IMMP2L: variants seen among roughly 807,000 people sequenced by gnomAD.
IMMP2L encodes inner mitochondrial membrane peptidase subunit 2.
In IMMP2L, 18 loss-of-function variants were observed where a neutral mutation model predicts 19.3. The observed-to-expected ratio is 0.93, with a 90% confidence interval of 0.64 to 1.38. IMMP2L has a LOEUF of 1.38. Among genes scored for constraint, IMMP2L ranks in the 40% most tolerant of loss-of-function variants. The pLI is 0.00. For missense variants in IMMP2L, 233 were observed against 218.2 expected (o/e 1.07, Z -0.43); for synonymous variants, 76 against 73.0 (o/e 1.04, Z -0.21).
intron 3 of IMMP2L, among the ~76,000 whole-genome samples, chr7:111,056,110 C>G (rs1793487245): frequency 1.3e-5 from 2 of 152,162 alleles, no homozygotes; most frequent in African/African-American, 2.4e-5. Context: ...TTTATTTAAA[C>G]AACTAATATA....
intron 5 of IMMP2L, among the ~76,000 whole-genome samples, chr7:110,880,994 C>G (rs920065339): frequency 2.0e-5 from 3 of 152,108 alleles, no homozygotes; most frequent in African/African-American, 7.2e-5. Context: ...ACTGCCTCTT[C>G]TCTTGGGGAG....
chr7:111,481,799 A>G (rs147320593), intron 3 of IMMP2L, among the ~76,000 whole-genome samples: 42 of 152,340 alleles, frequency 2.8e-4, no homozygotes, highest in Non-Finnish European at 4.6e-4. Flanking sequence ...CCAGGGATAC[A>G]GCAGTGTACA....
At chr7:111,229,882 A>G (rs1362057543) in intron 3 of IMMP2L, among the ~76,000 whole-genome samples, 1 of 152,040 alleles carries the variant, frequency 6.6e-6, no homozygotes, top group Non-Finnish European at 1.5e-5. Context: ...AAAAAGCCCA[A>G]GTGTAAAGAA....
chr7:111,004,516 T>C (rs2129561855), intron 3 of IMMP2L, among the ~76,000 whole-genome samples: 1 of 152,240 alleles, frequency 6.6e-6, no homozygotes. Context: ...GAGTAATAAC[T>C]GGATAAATGT....
chr7:111,243,444 T>C (rs890980543), intron 3 of IMMP2L, among the ~76,000 whole-genome samples: 1 of 152,010 alleles, frequency 6.6e-6, no homozygotes, highest in Admixed American at 6.6e-5. Context: ...CTTCATGTTT[T>C]ACATATATAA....
chr7:111,046,699 C>A (rs2014938), intron 3 of IMMP2L, among the ~76,000 whole-genome samples: 116,398 of 152,156 alleles, frequency 0.76, 47,479 homozygotes, highest in Non-Finnish European at 0.9. Context: ...CATTCAAGGT[C>A]TATTTTATCT....
intron 4 of IMMP2L, among the ~76,000 whole-genome samples, chr7:110,904,833 C>G (rs1404585349): frequency 6.6e-6 from 1 of 152,202 alleles, no homozygotes; most frequent in African/African-American, 2.4e-5. Flanking sequence ...TGTTTTACTT[C>G]TTAAGCACCG....
chr7:110,879,550 A>G (rs1809436854), intron 5 of IMMP2L, among the ~76,000 whole-genome samples: 1 of 152,114 alleles, frequency 6.6e-6, no homozygotes. Flanking sequence ...CATCTTTTCC[A>G]GAGGTAACCA....
chr7:110,928,351 GCACACACACACACACACACA>G (rs58639346), intron 4 of IMMP2L, among the ~76,000 whole-genome samples: 89 of 117,110 alleles, frequency 7.6e-4, no homozygotes, highest in Middle Eastern at 4.8e-3. Context: ...ATATGTACCT[GCACACACACACACACACACA>G]CACACACACA....
rs146004195 is a variant in IMMP2L, at chr7:111,433,021, T to C, written c.239+54217A>G. Among the ~76,000 whole-genome samples, 330 of 151,330 alleles carry C rather than the reference T, an allele frequency of 2.2e-3. 10 individuals carry two copies. Among genetic ancestry groups the C allele is most frequent in the African/African-American group, 7.6e-3 (311 of 41,054 alleles). On this transcript the variant is annotated intron_variant, in intron 3 of 5. Coordinates refer to ENST00000405709, the MANE Select transcript of IMMP2L (RefSeq NM_032549.4). ...AACAAAGAAGGTGAACTATCTGTTG[T>C]ATTAGTCAATTCTCATGCTGCTATG...
intron 5 of IMMP2L, among the ~76,000 whole-genome samples, chr7:110,820,843 A>C (rs1202617980): frequency 6.6e-6 from 1 of 152,060 alleles, no homozygotes; most frequent in Non-Finnish European, 1.5e-5. Flanking sequence ...CTAGATATTT[A>C]TGCGTCCTTG....
intron 3 of IMMP2L, among the ~76,000 whole-genome samples, chr7:110,979,284 T>C (rs1162850452): frequency 2.0e-5 from 3 of 152,126 alleles, no homozygotes; most frequent in Non-Finnish European, 2.9e-5. Context: ...GTACTTTTAT[T>C]TTCTTACTAT....
intron 5 of IMMP2L, among the ~76,000 whole-genome samples, chr7:110,804,955 A>C (rs1013939): frequency 0.89 from 135,437 of 152,084 alleles, 60,466 homozygotes; most frequent in East Asian, 0.98. Context: ...ACATTTATAG[A>C]CAGCTAGGTT....
chr7:110,970,094 CTTA>C (rs1819978214), intron 3 of IMMP2L, among the ~76,000 whole-genome samples: 1 of 151,946 alleles, frequency 6.6e-6, no homozygotes, highest in South Asian at 2.1e-4. Context: ...GACAACTGGT[CTTA>C]TTAGTGAATC....
intron 5 of IMMP2L, among the ~76,000 whole-genome samples, chr7:110,687,352 A>G (rs1793187194): frequency 6.6e-6 from 1 of 152,064 alleles, no homozygotes. Flanking sequence ...TATATGTGCT[A>G]TCTTCTGAGA....
At chr7:111,412,680 A>G (rs1033549736) in intron 3 of IMMP2L, among the ~76,000 whole-genome samples, 1 of 151,894 alleles carries the variant, frequency 6.6e-6, no homozygotes, top group African/African-American at 2.4e-5. Context: ...TCACATAGGG[A>G]GTTTTTAAAA....
chr7:110,745,657 C>T (rs1052305629), intron 5 of IMMP2L, among the ~76,000 whole-genome samples: 9 of 152,148 alleles, frequency 5.9e-5, no homozygotes, highest in African/African-American at 1.9e-4. Flanking sequence ...AACTAAGCTT[C>T]ATAAGTGAAG....
At chr7:110,724,919 C>T (rs1248170791) in intron 5 of IMMP2L, among the ~76,000 whole-genome samples, 1 of 152,100 alleles carries the variant, frequency 6.6e-6, no homozygotes, top group Non-Finnish European at 1.5e-5. Flanking sequence ...CCTGCACGAC[C>T]TTGACTAAAG....
At chr7:111,013,249 C>G (rs2129564039) in intron 3 of IMMP2L, among the ~76,000 whole-genome samples, 1 of 152,180 alleles carries the variant, frequency 6.6e-6, no homozygotes, top group South Asian at 2.1e-4. Context: ...TTGAGAACCA[C>G]TTAAGAGTTT....
Sources: allele counts gnomAD v4.1 joint callset (sites outside exome capture counted in the v4.1 genomes callset), GRCh38; gene constraint gnomAD v4.1.1; transcripts MANE v1.5; gene names NCBI Gene and HGNC (gene_info 2026-07-23, HGNC 2026-07-21).